ATM: variants seen among roughly 807,000 people sequenced by gnomAD.
ATM encodes the protein ATM serine/threonine kinase, also known as serine-protein kinase ATM.
In ATM, 308 loss-of-function variants were observed where a neutral mutation model predicts 387.0. The observed-to-expected ratio is 0.80, with a 90% CI of 0.73 to 0.87. ATM has a LOEUF of 0.87. ATM is among the 40% of genes least tolerant of loss of function. ATM has a pLI of 0.00. For synonymous variants in ATM, 1,156 were observed against 1,187.3 expected (o/e 0.97, Z 0.54); for missense variants, 3,312 against 3,560.9 (o/e 0.93, Z 1.78).
At chr11:108,362,745 A>G (rs1389640054) in intron 61 of ATM, among the ~76,000 whole-genome samples, 1 of 144,138 alleles carries the variant, frequency 6.9e-6, no homozygotes, top group Admixed American at 7.1e-5. Flanking sequence ...TGGGAATTGA[A>G]CAATGAGAAC....
intron 8 of ATM, among the ~76,000 whole-genome samples, chr11:108,247,600 A>G (rs2079917565): frequency 1.3e-5 from 2 of 151,640 alleles, no homozygotes; most frequent in African/African-American, 4.8e-5. Context: ...TTTTTATTTT[A>G]TTTTTATTTT....
chr11:108,335,056 A>G lies in ATM; in HGVS notation c.8098A>G (p.Lys2700Glu), dbSNP rs758588019. ...FRLAGGVNLP[K>E]IIDCVGSDGK... is the part of the protein sequence containing the mutation. ...CTTAGCAGGAGGTGTAAATTTACCA[A>G]AAATAATAGATTGTGTAGGTTCCGA... is the stretch of plus-strand genomic sequence containing the variant. Residue 2700 changes from lysine (K) to glutamate (E), a missense_variant, in exon 55 of 63, where the codon AAA (lysine) becomes GAA (glutamate). Around this residue, in one of 4 missense-constraint regions of ATM, gnomAD observed 1,405 missense variants for 1,604.4 expected, o/e 0.88. Coordinates refer to ENST00000675843, the MANE Select transcript of ATM (RefSeq NM_000051.4). 2 of 1,614,012 alleles carry G rather than the reference A, an allele frequency of 1.2e-6. No homozygotes were observed. The highest frequency in any genetic ancestry group is 1.7e-6 in the Non-Finnish European group (2 of 1,180,020).
intron 14 of ATM, 107 bp downstream of exon 14, chr11:108,256,447 C>A (rs2135397096): frequency 8.5e-7 from 1 of 1,173,318 alleles, no homozygotes; most frequent in South Asian, 1.4e-5. Context: ...GCAGGTTAAC[C>A]CTTTCTCTTT....
chr11:108,311,689 C>T (rs1460629883), intron 39 of ATM, among the ~76,000 whole-genome samples: 1 of 151,174 alleles, frequency 6.6e-6, no homozygotes, highest in African/African-American at 2.4e-5. Context: ...CAGAGCGAGA[C>T]CCTATCTCAT....
In ATM at chr11:108,331,995, A is replaced by G. The variant is rs1321640172; in HGVS notation, c.7746A>G (p.Arg2582=). Residue 2582 remains arginine, a synonymous_variant, in exon 52 of 63, where the codon AGA becomes AGG. Transcript: ENST00000675843. ...LTKPEVARRS[R]ITKNVPKQSS... ...AACCAGAGGTAGCCAGAAGAAGCAGAATAACTAAAAATGTGCCTAAACAAA... is the reference window on the plus strand; with the variant it reads ...AACCAGAGGTAGCCAGAAGAAGCAGGATAACTAAAAATGTGCCTAAACAAA... 6.2e-7 allele frequency: 1 copy of G among 1,614,092 alleles called. No homozygotes were observed. The highest frequency in any genetic ancestry group is 2.2e-5 in the East Asian group (1 of 44,848).
At position 108,356,540 on chromosome 11, in the gene ATM, TAAAAAA is replaced by T. The variant is rs374615780; in HGVS notation, c.8850+1681_8850+1686del. Among the ~76,000 whole-genome samples the T allele has an allele frequency of 3.1e-5, 3 of 97,824 alleles. No homozygotes were observed. In the South Asian group the frequency reaches 1.0e-3, roughly 33 times the overall value. 64.2% of individuals were successfully genotyped at this position (97,824 alleles called of 152,430 possible). On this transcript the variant is annotated intron_variant, in intron 61 of 62. Transcript: ENST00000675843. ...GACAAGAGCAAGACTCTGTCTGTCT[TAAAAAA>T]AAAAAAAAAAAAAAGCCCAAACTTT...
intron 59 of ATM, among the ~76,000 whole-genome samples, chr11:108,352,941 A>G (rs1247977007): frequency 6.6e-6 from 1 of 152,130 alleles, no homozygotes; most frequent in Non-Finnish European, 1.5e-5. Flanking sequence ...GTGATAGGCT[A>G]TGGGAGGGAA....
intron 57 of ATM, among the ~76,000 whole-genome samples, chr11:108,344,149 A>G (rs12286263): frequency 0.057 from 8,703 of 152,204 alleles, 807 homozygotes; most frequent in African/African-American, 0.2. Context: ...GTTTTTTAAA[A>G]TGTGTGATAA....
intron 17 of ATM, 75 bp downstream of exon 17, chr11:108,267,417 T>TA (rs2081319037): frequency 7.3e-7 from 1 of 1,367,486 alleles, no homozygotes; most frequent in Non-Finnish European, 1.0e-6. Context: ...GCCTCATTGA[T>TA]ATCAATTTTG....
At chr11:108,344,839 A>G (rs1395081396) in intron 57 of ATM, among the ~76,000 whole-genome samples, 1 of 152,012 alleles carries the variant, frequency 6.6e-6, no homozygotes, top group Non-Finnish European at 1.5e-5. Flanking sequence ...CCACATCTCT[A>G]CAAAAAATAA....
At chr11:108,317,330 A>C (rs370973155) in intron 42 of ATM, 43 bp from the exon 43 acceptor site, 22 of 1,589,000 alleles carry the variant, frequency 1.4e-5, no homozygotes, top group Middle Eastern at 3.3e-4. Flanking sequence ...TTCTGTTGAT[A>C]TCTTTGATTA....
In ATM at chr11:108,235,833, A is replaced by G; in HGVS notation, c.495A>G (p.Leu165=). The change falls in exon 5 of 63, where the codon TTA becomes TTG. Residue 165 remains leucine, a splice_region_variant and synonymous_variant. Transcript: ENST00000675843. ...GTGAAATATCTCAGCAACAGTGGTT[A>G]GGTATGTTTTGAAGGTTGTTGTTTG... is the stretch of plus-strand genomic sequence containing the variant. The part of the protein sequence containing the change: ...YWCEISQQQW[L]ELFSVYFRLY... 1.2e-6 allele frequency: 2 copies of G among 1,613,802 alleles called. No individual in the cohort carries two copies. Among genetic ancestry groups the G allele is most frequent in the South Asian group, 1.1e-5 (1 of 91,078 alleles).
At chr11:108,304,041 T>G (rs1412981527) in intron 36 of ATM, among the ~76,000 whole-genome samples, 1 of 152,178 alleles carries the variant, frequency 6.6e-6, no homozygotes, top group Non-Finnish European at 1.5e-5. Context: ...GTGTAATGAT[T>G]CATTCATATG....
intron 46 of ATM, among the ~76,000 whole-genome samples, chr11:108,325,817 A>C (rs2085617717): frequency 6.6e-6 from 1 of 152,204 alleles, no homozygotes; most frequent in Non-Finnish European, 1.5e-5. Flanking sequence ...CAGTGATTTT[A>C]TATACTGTGT....
chr11:108,315,729 A>C (rs2084570189), intron 40 of ATM, 94 bp from the exon 41 acceptor site: 1 of 825,968 alleles, frequency 1.2e-6, no homozygotes, highest in Admixed American at 2.0e-5. Flanking sequence ...TAGAGTTGGG[A>C]GTTACATATT....
At chr11:108,335,141 G>T (rs2086697580) in intron 55 of ATM, 32 bp downstream of exon 55, 1 of 1,613,464 alleles carries the variant, frequency 6.2e-7, no homozygotes, top group East Asian at 2.2e-5. Flanking sequence ...TTAGCCCTTA[G>T]AGTTTTAGTG....
chr11:108,244,085 T>G lies in ATM; in HGVS notation c.629T>G (p.Leu210Trp). Reference sequence around the variant, plus strand: ...ACTGACGGATTAAATTCCAAATTTTTGGACTTTTTTTCCAAGGCTATTCAG... The same window carrying G: ...ACTGACGGATTAAATTCCAAATTTTGGGACTTTTTTTCCAAGGCTATTCAG... The part of the protein sequence containing the change: ...SQTDGLNSKF[L>W]DFFSKAIQCA... The change falls in exon 6 of 63, where the codon TTG (leucine) becomes TGG (tryptophan). Residue 210 changes from leucine (L) to tryptophan (W), a missense_variant. Around this residue, in one of 4 missense-constraint regions of ATM, gnomAD observed 1,791 missense variants for 1,804.5 expected, o/e 0.99. Coordinates refer to ENST00000675843, the MANE Select transcript of ATM (RefSeq NM_000051.4). 6.2e-7 allele frequency: 1 copy of G among 1,613,916 alleles called. No individual in the cohort carries two copies. Among genetic ancestry groups the G allele is most frequent in the Non-Finnish European group, 8.5e-7 (1 of 1,179,896 alleles).
In ATM at chr11:108,326,225, G is replaced by T. The variant is rs556778314; in HGVS notation, c.6975G>T (p.Ala2325=). 1 of 1,613,700 alleles carries T rather than the reference G, an allele frequency of 6.2e-7. No individual in the cohort carries two copies. Among genetic ancestry groups the T allele is most frequent in the Non-Finnish European group, 8.5e-7 (1 of 1,179,930 alleles). ...MIKKLDASCA[A]NNPSLKLTYT... is the part of the protein sequence containing the mutation. The stretch of plus-strand genomic sequence containing the variant: ...AGAAGTTGGATGCCAGCTGTGCAGC[G>T]GTTTGTTTTTTTTATTGGCTGGATT... The change falls in exon 47 of 63, where the codon GCG becomes GCT. Residue 2325 remains alanine, a splice_region_variant and synonymous_variant. Transcript: ENST00000675843.
chr11:108,245,821 C>CTTTTT (rs369306448), intron 7 of ATM, among the ~76,000 whole-genome samples: 5 of 129,880 alleles, frequency 3.8e-5, no homozygotes, highest in Non-Finnish European at 1.7e-5. Flanking sequence ...CTTGTAGCCA[C>CTTTTT]TTTTTTTTTT....
Sources: allele counts gnomAD v4.1 joint callset (sites outside exome capture counted in the v4.1 genomes callset), GRCh38; gene constraint gnomAD v4.1.1; regional missense constraint gnomAD v4.1.1; transcripts MANE v1.5; gene names NCBI Gene and HGNC (gene_info 2026-07-23, HGNC 2026-07-21).